SRGAP3: variants seen among roughly 807,000 people sequenced by gnomAD.
SRGAP3 encodes SLIT-ROBO Rho GTPase activating protein 3.
A neutral mutation model predicts 121.1 loss-of-function variants in SRGAP3; 39 were observed. That is an observed-to-expected ratio of 0.32 (90% CI 0.25 to 0.42). The LOEUF is 0.42. Among genes scored for constraint, SRGAP3 ranks in the 10% least tolerant of loss-of-function variants. The probability of loss-of-function intolerance (pLI) is 1.00; values close to 1 mark genes in which losing one functional copy is unlikely to be tolerated. For synonymous variants in SRGAP3, 601 were observed against 570.0 expected, an observed-to-expected ratio of 1.05 and a Z score of -0.77; for missense variants, 1,213 against 1,470.6, an observed-to-expected ratio of 0.82 and a Z score of 2.86.
At chr3:9,061,368 T>G (rs1360824370) in intron 5 of SRGAP3, among the ~76,000 whole-genome samples, 1 of 152,158 alleles carries the variant, frequency 6.6e-6, no homozygotes, top group Non-Finnish European at 1.5e-5. Context: ...CCCCCTCATT[T>G]GCTCAGCCTC....
At chr3:9,347,259 G>A (rs889714872) in intron 1 of SRGAP3, among the ~76,000 whole-genome samples, 1 of 152,102 alleles carries the variant, frequency 6.6e-6, no homozygotes, top group Admixed American at 6.5e-5. Flanking sequence ...TCAATCTTTC[G>A]GATTTAGGCG....
chr3:9,244,671 C>A (rs1953761371), intron 1 of SRGAP3, among the ~76,000 whole-genome samples: 1 of 152,090 alleles, frequency 6.6e-6, no homozygotes, highest in African/African-American at 2.4e-5. Context: ...TGGAGCCTGG[C>A]AAATGTTCTG....
chr3:9,220,535 G>C (rs751432876), intron 1 of SRGAP3, among the ~76,000 whole-genome samples: 1 of 152,146 alleles, frequency 6.6e-6, no homozygotes. Context: ...TGCTCCAAAA[G>C]TTTCAGGCAC....
Position 9,071,819 on chromosome 3 carries a change from T to C in SRGAP3, c.487-7238A>G, listed in dbSNP as rs76066287. Reference sequence around the variant, plus strand: ...GCGGGGAGAACAGCTACACCTTCAATTATCAAATATTTATTTATGTGTCAG... The same window carrying C: ...GCGGGGAGAACAGCTACACCTTCAACTATCAAATATTTATTTATGTGTCAG... On this transcript the variant is annotated intron_variant, in intron 4 of 21. Transcript: ENST00000383836. Among the ~76,000 whole-genome samples, 1,000 of 152,110 alleles carry C rather than the reference T, an allele frequency of 6.6e-3. 12 individuals carry two copies. The highest frequency in any genetic ancestry group is 0.023 in the African/African-American group (959 of 41,470).
intron 1 of SRGAP3, among the ~76,000 whole-genome samples, chr3:9,345,763 G>T (rs1575022809): frequency 7.2e-6 from 1 of 138,236 alleles, no homozygotes; most frequent in East Asian, 2.2e-4. Flanking sequence ...TCCAGCCTGG[G>T]TGACAGAGCA....
At chr3:9,359,579 G>T (rs904515015) in intron 1 of SRGAP3, among the ~76,000 whole-genome samples, 1 of 152,186 alleles carries the variant, frequency 6.6e-6, no homozygotes, top group African/African-American at 2.4e-5. Flanking sequence ...TGGCCTCTCT[G>T]TGCAGCATTC....
At chr3:9,242,339 C>G (rs1953674850) in intron 1 of SRGAP3, among the ~76,000 whole-genome samples, 1 of 152,136 alleles carries the variant, frequency 6.6e-6, no homozygotes, top group Non-Finnish European at 1.5e-5. Context: ...AGAAGGATAT[C>G]AAAGAAAAAA....
intron 3 of SRGAP3, among the ~76,000 whole-genome samples, chr3:9,308,858 C>T (rs1955198733): frequency 6.6e-6 from 1 of 152,132 alleles, no homozygotes; most frequent in Non-Finnish European, 1.5e-5. Flanking sequence ...CACAGCCCAT[C>T]GATCATGTAC....
chr3:9,320,675 T>A (rs1955425129), intron 3 of SRGAP3, among the ~76,000 whole-genome samples: 1 of 151,882 alleles, frequency 6.6e-6, no homozygotes. Context: ...AGGTATTTCT[T>A]TATAGCAGTG....
chr3:9,065,911 G>A (rs988271690), intron 4 of SRGAP3, among the ~76,000 whole-genome samples: 5 of 152,012 alleles, frequency 3.3e-5, no homozygotes, highest in African/African-American at 1.2e-4. Flanking sequence ...TGGAAATCTG[G>A]CCTCTCACTT....
chr3:9,135,667 A>G (rs1396010643), intron 1 of SRGAP3, among the ~76,000 whole-genome samples: 1 of 152,264 alleles, frequency 6.6e-6, no homozygotes, highest in African/African-American at 2.4e-5. Context: ...CTTATCTTGC[A>G]GGGTTGTTGC....
At position 9,143,535 on chromosome 3, in the gene SRGAP3, T is replaced by C. The variant is rs553990472; in HGVS notation, c.68-18618A>G. On this transcript the variant is annotated intron_variant, in intron 1 of 21. Coordinates refer to ENST00000383836, the MANE Select transcript of SRGAP3 (RefSeq NM_014850.4). ...ATTGCAGTTTCCAGGACCAAGCCTTTTGGATCCTGAAAGTACTCCATAATA... is the reference window on the plus strand; with the variant it reads ...ATTGCAGTTTCCAGGACCAAGCCTTCTGGATCCTGAAAGTACTCCATAATA... 5.9e-5 allele frequency among the ~76,000 whole-genome samples: 9 copies of C among 152,334 alleles called. No homozygotes were observed. In the South Asian group the frequency reaches 1.0e-3, roughly 18 times the overall value.
chr3:9,064,588 G>C lies in SRGAP3; in HGVS notation c.487-7C>G. 1 of 1,613,846 alleles carries C rather than the reference G, an allele frequency of 6.2e-7. No individual in the cohort carries two copies. Among genetic ancestry groups the C allele is most frequent in the Non-Finnish European group, 8.5e-7 (1 of 1,179,968 alleles). ...TGTGGTAGGTTTTCATGACCTGGGG[G>C]TGCACAAGTAGGGGAAATCAGCAGC... On this transcript the variant is annotated splice_region_variant and splice_polypyrimidine_tract_variant and intron_variant, in intron 4 of 21. Coordinates refer to ENST00000383836, the MANE Select transcript of SRGAP3 (RefSeq NM_014850.4).
At chr3:9,304,911 C>T (rs1471845485) in intron 3 of SRGAP3, among the ~76,000 whole-genome samples, 1 of 152,198 alleles carries the variant, frequency 6.6e-6, no homozygotes. Context: ...GGAATAATAT[C>T]ACTAAGCTCC....
intron 4 of SRGAP3, among the ~76,000 whole-genome samples, chr3:9,066,619 C>CT (rs1946446260): frequency 1.3e-5 from 2 of 152,182 alleles, no homozygotes; most frequent in South Asian, 4.1e-4. Flanking sequence ...CCTGCCTCAG[C>CT]CTCCTGAGTA....
chr3:9,237,378 C>A (rs1215897319), intron 1 of SRGAP3, among the ~76,000 whole-genome samples: 1 of 151,804 alleles, frequency 6.6e-6, no homozygotes, highest in African/African-American at 2.4e-5. Flanking sequence ...GTTCTAGGTG[C>A]CAAAAAACAC....
chr3:9,322,453 G>A (rs970402823), intron 3 of SRGAP3, among the ~76,000 whole-genome samples: 8 of 151,736 alleles, frequency 5.3e-5, no homozygotes, highest in Non-Finnish European at 5.9e-5. Context: ...CCCCTGGGCC[G>A]TGGACTGGTG....
At chr3:9,064,988 C>T (rs1946359876) in intron 4 of SRGAP3, among the ~76,000 whole-genome samples, 1 of 152,196 alleles carries the variant, frequency 6.6e-6, no homozygotes, top group South Asian at 2.1e-4. Context: ...CTCTCTAGCC[C>T]TGCCAGTAGT....
At chr3:9,064,121 A>G (rs550136603) in intron 5 of SRGAP3, among the ~76,000 whole-genome samples, 36 of 152,252 alleles carry the variant, frequency 2.4e-4, no homozygotes, top group Non-Finnish European at 4.3e-4. Flanking sequence ...GTCACAGTTC[A>G]GCTTTCTTGT....
Sources: allele counts gnomAD v4.1 joint callset (sites outside exome capture counted in the v4.1 genomes callset), GRCh38; gene constraint gnomAD v4.1.1; transcripts MANE v1.5; gene names NCBI Gene and HGNC (gene_info 2026-07-23, HGNC 2026-07-21).